THSD7A: variants seen among roughly 807,000 people sequenced by gnomAD.
The protein encoded by THSD7A is thrombospondin type 1 domain containing 7A.
Under a neutral mutation model 231.3 loss-of-function variants are expected in THSD7A, and 96 were observed. The observed-to-expected ratio is 0.41, with a 90% CI of 0.35 to 0.49. The LOEUF (loss-of-function observed/expected upper bound fraction) is 0.49. Among genes scored for constraint, THSD7A ranks in the 20% least tolerant of loss-of-function variants. The pLI is 0.05. For missense variants in THSD7A, 2,290 were observed against 2,070.2 expected, an observed-to-expected ratio of 1.11 and a Z score of -2.06; for synonymous variants, 940 against 743.3, an observed-to-expected ratio of 1.26 and a Z score of -4.30.
intron 1 of THSD7A, among the ~76,000 whole-genome samples, chr7:11,766,593 T>G (rs1036386591): frequency 1.3e-5 from 2 of 152,228 alleles, no homozygotes; most frequent in Non-Finnish European, 2.9e-5. Context: ...TTGACTTTTC[T>G]GCCTAGCCAA....
intron 1 of THSD7A, among the ~76,000 whole-genome samples, chr7:11,808,128 C>T (rs943714284): frequency 2.0e-5 from 3 of 146,706 alleles, no homozygotes; most frequent in African/African-American, 7.5e-5. Flanking sequence ...AGGGTGCCAA[C>T]TTCTGCAGGG....
chr7:11,562,394 T>C (rs1312135774), intron 4 of THSD7A, among the ~76,000 whole-genome samples: 2 of 152,176 alleles, frequency 1.3e-5, no homozygotes, highest in African/African-American at 2.4e-5. Flanking sequence ...TGCTCAAAGG[T>C]TGAGAAAAAT....
At chr7:11,434,797 C>T (rs186780284) in intron 13 of THSD7A, among the ~76,000 whole-genome samples, 103 of 151,940 alleles carry the variant, frequency 6.8e-4, no homozygotes, top group African/African-American at 1.9e-3. Flanking sequence ...ACTTTCCAAA[C>T]GGACAATATT....
intron 1 of THSD7A, among the ~76,000 whole-genome samples, chr7:11,668,828 T>C (rs896152678): frequency 1.3e-5 from 2 of 152,176 alleles, no homozygotes; most frequent in Non-Finnish European, 2.9e-5. Flanking sequence ...CTGATTCCTT[T>C]AAAGCCAAAG....
At chr7:11,421,431 C>T (rs1381808377) in intron 16 of THSD7A, among the ~76,000 whole-genome samples, 3 of 149,902 alleles carry the variant, frequency 2.0e-5, no homozygotes, top group Non-Finnish European at 4.4e-5. Context: ...TGAAGGCTCC[C>T]GAGCCATGTC....
intron 1 of THSD7A, among the ~76,000 whole-genome samples, chr7:11,732,697 T>C (rs1002137602): frequency 3.3e-5 from 5 of 151,836 alleles, no homozygotes; most frequent in African/African-American, 1.2e-4. Flanking sequence ...CAGAGTTAAT[T>C]ATCTTTACAG....
At position 11,593,269 on chromosome 7, in the gene THSD7A, A is replaced by G. The variant is rs377124741; in HGVS notation, c.1256T>C (p.Val419Ala). Residue 419 changes from valine (V) to alanine (A), a missense_variant, in exon 3 of 28, where the codon GTT (valine) becomes GCT (alanine). Val to Ala is a moderately conservative substitution (Grantham distance 64). Coordinates refer to ENST00000423059, the MANE Select transcript of THSD7A (RefSeq NM_015204.3). ...KEPCLSQGDG[V>A]VPCATYGWRT... is the part of the protein sequence containing the mutation. The stretch of plus-strand genomic sequence containing the variant: ...ATTTACTCACGTGGCACAGGGGACA[A>G]CTCCATCTCCTTGAGACAAACAGGG... 185 of 1,613,770 alleles carry G rather than the reference A, an allele frequency of 1.1e-4. No individual in the cohort carries two copies. The highest frequency in any genetic ancestry group is 1.5e-4 in the Non-Finnish European group (175 of 1,179,886).
chr7:11,568,624 C>CAAAAAAAAAA (rs33930587), intron 4 of THSD7A, among the ~76,000 whole-genome samples: 1 of 48,982 alleles, frequency 2.0e-5, no homozygotes, highest in Non-Finnish European at 3.9e-5. Flanking sequence ...AACTCCGTCT[C>CAAAAAAAAAA]AAAAAAAAAA....
intron 4 of THSD7A, among the ~76,000 whole-genome samples, chr7:11,587,140 A>C (rs1779942199): frequency 6.6e-6 from 1 of 152,192 alleles, no homozygotes; most frequent in Non-Finnish European, 1.5e-5. Context: ...GAACTCTAAA[A>C]AAATCAATTT....
chr7:11,441,827 T>C (rs1032822491), intron 13 of THSD7A, among the ~76,000 whole-genome samples: 3 of 151,634 alleles, frequency 2.0e-5, no homozygotes, highest in African/African-American at 7.3e-5. Context: ...CTGGGGCCTG[T>C]CGGCAGGGGT....
Position 11,593,293 on chromosome 7 carries a change from G to C in THSD7A, c.1232C>G (p.Pro411Arg), listed in dbSNP as rs752657368. Residue 411 changes from proline (P) to arginine (R), a missense_variant, in exon 3 of 28, where the codon CCC becomes CGC. Coordinates refer to ENST00000423059, the MANE Select transcript of THSD7A (RefSeq NM_015204.3). ...AACTCCATCTCCTTGAGACAAACAG[G>C]GTTCTTTTTCTTCAAATTCTGGACA... The part of the protein sequence containing the change: ...KECPEFEEKE[P>R]CLSQGDGVVP... 10 of 1,613,794 alleles carry C rather than the reference G, an allele frequency of 6.2e-6. No homozygotes were observed. Among genetic ancestry groups the C allele is most frequent in the East Asian group, 2.2e-5 (1 of 44,882 alleles).
chr7:11,664,208 TGTTAGAAGAATAAATAGA>T (rs1318289002), intron 1 of THSD7A, among the ~76,000 whole-genome samples: 2 of 150,960 alleles, frequency 1.3e-5, no homozygotes, highest in Non-Finnish European at 2.9e-5. Flanking sequence ...AGAAATTATG[TGTTAGAAGAATAAATAGA>T]GTTCTTGAAG....
intron 1 of THSD7A, among the ~76,000 whole-genome samples, chr7:11,787,578 T>C (rs960739576): frequency 3.3e-5 from 5 of 151,806 alleles, no homozygotes; most frequent in African/African-American, 1.2e-4. Flanking sequence ...CAAACAACAA[T>C]ATTAGAAATA....
intron 2 of THSD7A, among the ~76,000 whole-genome samples, chr7:11,599,284 T>C (rs959272897): frequency 1.3e-5 from 2 of 152,130 alleles, no homozygotes; most frequent in African/African-American, 4.8e-5. Flanking sequence ...AAAGTTTGGG[T>C]CACTCCACCA....
chr7:11,443,869 T>G (rs1784879572), intron 13 of THSD7A, among the ~76,000 whole-genome samples: 1 of 152,002 alleles, frequency 6.6e-6, no homozygotes, highest in Non-Finnish European at 1.5e-5. Flanking sequence ...ATCACTAGAC[T>G]TCAATACAAT....
rs1354104228 is a variant in THSD7A at position 11,590,751 on chromosome 7, G to C, written c.1272-110C>G. On this transcript the variant is annotated intron_variant, in intron 3 of 27. Coordinates refer to ENST00000423059, the MANE Select transcript of THSD7A (RefSeq NM_015204.3). The surrounding 1 kb of genome is among the most constrained non-coding windows in gnomAD (Gnocchi z 4.4). ...AATTAGTCTCAAAATCATTTTCCTA[G>C]AGAATCCATCGTAGACTACATCTAT... is the stretch of plus-strand genomic sequence containing the variant. 2 of 1,276,096 alleles carry C rather than the reference G, an allele frequency of 1.6e-6. No homozygotes were observed. The highest frequency in any genetic ancestry group is 1.5e-5 in the African/African-American group (1 of 66,550). 79.0% of individuals were successfully genotyped at this position (1,276,096 alleles called of 1,614,324 possible). A position where few individuals can be genotyped will look rare whatever the true frequency, so the allele number is the denominator to read the frequency against.
intron 1 of THSD7A, among the ~76,000 whole-genome samples, chr7:11,683,613 G>T (rs949571528): frequency 2.6e-5 from 4 of 151,934 alleles, no homozygotes; most frequent in African/African-American, 9.7e-5. Context: ...ATACAAGCTA[G>T]AAAATCTAGA....
At chr7:11,793,913 A>T (rs2128178935) in intron 1 of THSD7A, among the ~76,000 whole-genome samples, 1 of 152,050 alleles carries the variant, frequency 6.6e-6, no homozygotes, top group East Asian at 1.9e-4. Context: ...CAATATACAT[A>T]TGTATTTTCA....
At chr7:11,535,125 T>A (rs1788860736) in intron 6 of THSD7A, among the ~76,000 whole-genome samples, 1 of 152,176 alleles carries the variant, frequency 6.6e-6, no homozygotes, top group Non-Finnish European at 1.5e-5. Flanking sequence ...GGTAAATAAT[T>A]ATTTACTCAA....
Sources: allele counts gnomAD v4.1 joint callset (sites outside exome capture counted in the v4.1 genomes callset), GRCh38; gene constraint gnomAD v4.1.1; non-coding constraint Gnocchi (gnomAD v3.1); transcripts MANE v1.5; gene names NCBI Gene and HGNC (gene_info 2026-07-23, HGNC 2026-07-21).